The following TRIO variants were observed in gnomAD, a reference collection of about 807,000 sequenced individuals.
The protein encoded by TRIO is triple functional domain protein.
Under a neutral mutation model 351.9 loss-of-function variants are expected in TRIO, and 58 were observed. The ratio of observed to expected loss-of-function variants is 0.16; its 90% CI spans 0.13 to 0.21. The LOEUF (loss-of-function observed/expected upper bound fraction) is 0.21. TRIO is among the 10% of genes least tolerant of loss of function. The pLI, the probability that TRIO is intolerant of heterozygous loss-of-function variation, is 1.00. For synonymous variants in TRIO, 1,758 were observed against 1,595.7 expected, an observed-to-expected ratio of 1.10 and a Z score of -2.42; for missense variants, 3,201 against 4,027.8, an observed-to-expected ratio of 0.79 and a Z score of 5.56.
intron 9 of TRIO, among the ~76,000 whole-genome samples, chr5:14,317,252 A>G (rs1216013844): frequency 6.6e-6 from 1 of 152,232 alleles, no homozygotes; most frequent in East Asian, 1.9e-4. Context: ...TTTTAAAGAA[A>G]CAAAAATAAG....
intron 18 of TRIO, among the ~76,000 whole-genome samples, chr5:14,373,912 T>C (rs1579462692): frequency 6.6e-6 from 1 of 152,188 alleles, no homozygotes; most frequent in East Asian, 1.9e-4. Context: ...AGGCCAGGTG[T>C]GCAAACCTCT....
rs1009817101 is a variant in TRIO, at chr5:14,421,634, C to A, written c.5203+1613C>A. Among the ~76,000 whole-genome samples the A allele has an allele frequency of 4.0e-5, 6 of 151,412 alleles. No individual in the cohort carries two copies. The East Asian group carries it at 1.2e-3, about 29-fold the overall frequency. ...AAAAAAAAAAAAGATTGTTTGTTCC[C>A]TTGCAGTGTTAGGAGCTGCGCAGCA... On this transcript the variant is annotated intron_variant, in intron 34 of 56. Coordinates refer to ENST00000344204, the MANE Select transcript of TRIO (RefSeq NM_007118.4).
intron 3 of TRIO, among the ~76,000 whole-genome samples, chr5:14,284,428 A>G (rs1410990080): frequency 6.6e-6 from 1 of 152,190 alleles, no homozygotes. Context: ...CTTGATAAAA[A>G]TAGATGGATT....
chr5:14,330,636 ACTT>A (rs1203469230), intron 9 of TRIO, 139 bp from the exon 10 acceptor site: 1 of 1,016,186 alleles, frequency 9.8e-7, no homozygotes, highest in East Asian at 2.6e-5. Context: ...GTATCCAATT[ACTT>A]CTTCCCATTT....
At chr5:14,449,737 C>T (rs1161820598) in intron 34 of TRIO, among the ~76,000 whole-genome samples, 3 of 152,160 alleles carry the variant, frequency 2.0e-5, no homozygotes, top group African/African-American at 7.2e-5. Flanking sequence ...TTACTGTTAT[C>T]CACGATCAGT....
chr5:14,236,725 G>A (rs115159514), intron 1 of TRIO, among the ~76,000 whole-genome samples: 1 of 152,016 alleles, frequency 6.6e-6, no homozygotes, highest in African/African-American at 2.4e-5. Flanking sequence ...AATTCATATA[G>A]CATACAATTT....
At chr5:14,494,256 A>G (rs532217358) in intron 49 of TRIO, among the ~76,000 whole-genome samples, 28 of 152,274 alleles carry the variant, frequency 1.8e-4, no homozygotes, top group African/African-American at 6.5e-4. Flanking sequence ...ACTGAATTTG[A>G]TGGCAGTTTT....
At chr5:14,182,566 T>A (rs777400325) in intron 1 of TRIO, among the ~76,000 whole-genome samples, 1 of 152,248 alleles carries the variant, frequency 6.6e-6, no homozygotes, top group Non-Finnish European at 1.5e-5. Context: ...CTTAATTTTG[T>A]TGATAATTAA....
intron 1 of TRIO, among the ~76,000 whole-genome samples, chr5:14,246,161 A>C (rs1171825268): frequency 6.6e-6 from 1 of 152,214 alleles, no homozygotes; most frequent in East Asian, 1.9e-4. Flanking sequence ...AAACAATTTA[A>C]ATCAGAAGGT....
rs1383783109 is a variant in TRIO, at chr5:14,453,727, C to T, written c.5204-7292C>T. 2.6e-5 allele frequency among the ~76,000 whole-genome samples: 4 copies of T among 152,274 alleles called. No homozygotes were observed. In the South Asian group the frequency reaches 6.2e-4, roughly 24 times the overall value. On this transcript the variant is annotated intron_variant, in intron 34 of 56. Coordinates refer to ENST00000344204, the MANE Select transcript of TRIO (RefSeq NM_007118.4). ...ATCCCTTATGGATCATCCATCTGGG[C>T]CTTGGATCAGCGGGTTTCCCCAGGC...
At chr5:14,237,774 G>T (rs889122590) in intron 1 of TRIO, among the ~76,000 whole-genome samples, 8 of 152,090 alleles carry the variant, frequency 5.3e-5, no homozygotes, top group Admixed American at 2.0e-4. Flanking sequence ...TTCTTAGTTC[G>T]CCAATAATAT....
Position 14,330,851 on chromosome 5 carries a change from G to A in TRIO, c.1805G>A (p.Arg602Gln). Residue 602 changes from arginine to glutamine, a missense_variant, in exon 10 of 57, where the codon CGG (arginine) becomes CAG (glutamine). Coordinates refer to ENST00000344204, the MANE Select transcript of TRIO (RefSeq NM_007118.4). ...ACAGGTGTGGGGAAATCTCTTCATCGGGCCAGAGCATTGCAGAAACGTCAT... is the reference window on the plus strand; with the variant it reads ...ACAGGTGTGGGGAAATCTCTTCATCAGGCCAGAGCATTGCAGAAACGTCAT... ...KHTGVGKSLH[R>Q]ARALQKRHED... 6.2e-7 allele frequency: 1 copy of A among 1,614,078 alleles called. No homozygotes were observed.
Position 14,397,649 on chromosome 5 carries a change from G to A in TRIO, c.4423+495G>A, listed in dbSNP as rs1360227799. 2.0e-5 allele frequency among the ~76,000 whole-genome samples: 3 copies of A among 150,932 alleles called. No homozygotes were observed. In the East Asian group the frequency reaches 5.8e-4, roughly 29 times the overall value. ...TAGAGCAATTATAATTTCCATAAAT[G>A]CCTCTGTTTAAGAAAGCTCTTCCTG... On this transcript the variant is annotated intron_variant, in intron 29 of 56. Coordinates refer to ENST00000344204, the MANE Select transcript of TRIO (RefSeq NM_007118.4).
chr5:14,192,520 C>T (rs537756188), intron 1 of TRIO, among the ~76,000 whole-genome samples: 5 of 152,248 alleles, frequency 3.3e-5, no homozygotes, highest in Non-Finnish European at 5.9e-5. Context: ...GTGATCCTCC[C>T]GCTTCGGCCT....
chr5:14,473,171 A>G (rs1439076571), intron 39 of TRIO, among the ~76,000 whole-genome samples: 3 of 152,336 alleles, frequency 2.0e-5, no homozygotes, highest in East Asian at 1.9e-4. Flanking sequence ...GTTGCCAAGC[A>G]CTGTAGCCAT....
chr5:14,486,445 G>T (rs985980098), intron 47 of TRIO, among the ~76,000 whole-genome samples: 25 of 152,180 alleles, frequency 1.6e-4, no homozygotes, highest in Admixed American at 6.5e-5. Context: ...CTTGCAAGCT[G>T]ATAATCATTT....
intron 27 of TRIO, among the ~76,000 whole-genome samples, chr5:14,392,222 A>T (rs1200794409): frequency 6.7e-6 from 1 of 149,504 alleles, no homozygotes; most frequent in Non-Finnish European, 1.5e-5. Context: ...TCTACAATGA[A>T]CTTAAACAAA....
At chr5:14,370,305 A>T (rs1744987648) in intron 18 of TRIO, among the ~76,000 whole-genome samples, 1 of 152,090 alleles carries the variant, frequency 6.6e-6, no homozygotes, top group Non-Finnish European at 1.5e-5. Flanking sequence ...ACATTTAGTC[A>T]TACATAGTCA....
At chr5:14,202,986 C>A (rs1349643743) in intron 1 of TRIO, among the ~76,000 whole-genome samples, 2 of 152,004 alleles carry the variant, frequency 1.3e-5, no homozygotes, top group East Asian at 3.9e-4. Context: ...ACTCAGTCAA[C>A]CTACAGTCAT....
Sources: allele counts gnomAD v4.1 joint callset (sites outside exome capture counted in the v4.1 genomes callset), GRCh38; gene constraint gnomAD v4.1.1; transcripts MANE v1.5; gene names NCBI Gene and HGNC (gene_info 2026-07-23, HGNC 2026-07-21).